ATP9B: variants seen among roughly 807,000 people sequenced by gnomAD.
ATP9B encodes the protein probable phospholipid-transporting ATPase IIB.
A neutral mutation model predicts 146.1 loss-of-function variants in ATP9B; 110 were observed. That is an observed-to-expected ratio of 0.75 (90% confidence interval 0.65 to 0.88). ATP9B has a LOEUF of 0.88. ATP9B is among the 40% of genes least tolerant of loss of function. The pLI, the probability that ATP9B is intolerant of heterozygous loss-of-function variation, is 0.00. For missense variants in ATP9B, 1,499 were observed against 1,496.4 expected, an observed-to-expected ratio of 1.00 and a Z score of -0.03; for synonymous variants, 604 against 569.7, an observed-to-expected ratio of 1.06 and a Z score of -0.86.
chr18:79,086,652 A>T (rs991481151), intron 1 of ATP9B, among the ~76,000 whole-genome samples: 2 of 152,152 alleles, frequency 1.3e-5, no homozygotes, highest in Non-Finnish European at 2.9e-5. Flanking sequence ...CATTTATATA[A>T]CATTGGATAT....
At chr18:79,196,083 A>C (rs573788038) in intron 9 of ATP9B, among the ~76,000 whole-genome samples, 2 of 152,292 alleles carry the variant, frequency 1.3e-5, no homozygotes, top group African/African-American at 4.8e-5. Context: ...AGCTCCCCAC[A>C]GTTGGAAGGG....
In ATP9B at chr18:79,245,848, C is replaced by T. The variant is rs113000288; in HGVS notation, c.1108-7533C>T. Among the ~76,000 whole-genome samples, 31 of 69,738 alleles carry T rather than the reference C, an allele frequency of 4.4e-4. No homozygotes were observed. In the East Asian group the frequency reaches 9.4e-3, roughly 21 times the overall value. 45.8% of individuals were successfully genotyped at this position (69,738 alleles called of 152,430 possible). On this transcript the variant is annotated intron_variant, in intron 11 of 29. Transcript: ENST00000426216. ...GAGGAGGGCACCACCCTACTGACTG[C>T]GGAGGGCACCGCCCTACTGTCTGTG... is the stretch of plus-strand genomic sequence containing the variant.
In ATP9B at chr18:79,277,718, A is replaced by G. The variant is rs201451990; in HGVS notation, c.1411+522A>G. Among the ~76,000 whole-genome samples, 5 of 152,296 alleles carry G rather than the reference A, an allele frequency of 3.3e-5. No homozygotes were observed. The East Asian group carries it at 9.6e-4, about 29-fold the overall frequency. On this transcript the variant is annotated intron_variant, in intron 13 of 29. Transcript: ENST00000426216. ...TTAATTTTCTTCTTTTTTTCATCAA[A>G]GAACTCTTACCAATCCGTAACAGAT... is the stretch of plus-strand genomic sequence containing the variant.
chr18:79,123,090 T>C (rs1266544351), intron 4 of ATP9B, among the ~76,000 whole-genome samples: 1 of 151,956 alleles, frequency 6.6e-6, no homozygotes, highest in Non-Finnish European at 1.5e-5. Flanking sequence ...GTTAAGAAAA[T>C]GAAGTAAAAG....
At chr18:79,356,220 G>A (rs2096951914) in intron 25 of ATP9B, among the ~76,000 whole-genome samples, 1 of 152,132 alleles carries the variant, frequency 6.6e-6, no homozygotes, top group Non-Finnish European at 1.5e-5. Context: ...GAATTGTGAG[G>A]AAGAGTCACA....
intron 13 of ATP9B, among the ~76,000 whole-genome samples, chr18:79,284,208 T>G (rs562804817): frequency 3.4e-4 from 52 of 152,318 alleles, no homozygotes; most frequent in African/African-American, 1.1e-3. Context: ...CAGGTAAGAC[T>G]TGGAAATGTT....
intron 19 of ATP9B, among the ~76,000 whole-genome samples, chr18:79,338,016 G>A (rs529503072): frequency 2.8e-4 from 42 of 152,320 alleles, no homozygotes; most frequent in African/African-American, 1.0e-3. Context: ...GAGGACGGGA[G>A]TGCATGAGAA....
In ATP9B at chr18:79,264,042, G is replaced by A. The variant is rs188332621; in HGVS notation, c.1268+10501G>A. Among the ~76,000 whole-genome samples the A allele has an allele frequency of 2.5e-3, 373 of 152,130 alleles. 1 individual carries two copies. The highest frequency in any genetic ancestry group is 6.4e-3 in the South Asian group (31 of 4,814). ...GGAGGTTGCAGTGAGCCGAGATCGC[G>A]CCACTGCACTCCAGCCCAGGCGACA... On this transcript the variant is annotated intron_variant, in intron 12 of 29. Coordinates refer to ENST00000426216, the MANE Select transcript of ATP9B (RefSeq NM_198531.5).
chr18:79,351,286 G>A (rs1207471306), intron 25 of ATP9B, among the ~76,000 whole-genome samples: 2 of 152,222 alleles, frequency 1.3e-5, no homozygotes, highest in East Asian at 3.9e-4. Flanking sequence ...TGAGGCCTGT[G>A]CCTGCCTCAC....
Position 79,158,938 on chromosome 18 carries a change from A to T in ATP9B, c.778+4383A>T, listed in dbSNP as rs57304401. Among the ~76,000 whole-genome samples, 23 of 152,076 alleles carry T rather than the reference A, an allele frequency of 1.5e-4. No individual in the cohort carries two copies. In the South Asian group the frequency reaches 4.8e-3, roughly 32 times the overall value. ...TGAATGTGGAGTACTGAAGTTTGTC[A>T]CTATTTCTCTGTTTTTCCTTCTATT... On this transcript the variant is annotated intron_variant, in intron 7 of 29. Coordinates refer to ENST00000426216, the MANE Select transcript of ATP9B (RefSeq NM_198531.5).
At chr18:79,108,338 A>G (rs575048307) in intron 2 of ATP9B, among the ~76,000 whole-genome samples, 23 of 152,352 alleles carry the variant, frequency 1.5e-4, no homozygotes, top group African/African-American at 5.5e-4. Flanking sequence ...AACAGATAAA[A>G]TATTATCAGC....
intron 1 of ATP9B, among the ~76,000 whole-genome samples, chr18:79,079,890 T>G (rs555957898): frequency 6.6e-6 from 1 of 152,346 alleles, no homozygotes; most frequent in East Asian, 1.9e-4. Context: ...CCAACACCAT[T>G]TATTAAATAG....
intron 15 of ATP9B, among the ~76,000 whole-genome samples, chr18:79,323,618 A>G (rs1235425184): frequency 2.6e-5 from 4 of 152,016 alleles, no homozygotes; most frequent in African/African-American, 7.3e-5. Context: ...TTCCATTCAC[A>G]TTGTTGTAGA....
intron 18 of ATP9B, among the ~76,000 whole-genome samples, chr18:79,337,045 C>T (rs2096831132): frequency 6.6e-6 from 1 of 152,130 alleles, no homozygotes; most frequent in Admixed American, 6.5e-5. Flanking sequence ...AGAGCCCATG[C>T]TGTCCAGCTC....
At chr18:79,277,283 G>A in intron 13 of ATP9B, 87 bp downstream of exon 13, 4 of 1,500,794 alleles carry the variant, frequency 2.7e-6, no homozygotes, top group Non-Finnish European at 3.7e-6. Flanking sequence ...ATGTTTATGT[G>A]TATGTATATA....
chr18:79,271,705 G>A (rs1157366871), intron 12 of ATP9B, among the ~76,000 whole-genome samples: 1 of 152,184 alleles, frequency 6.6e-6, no homozygotes, highest in Admixed American at 6.5e-5. Context: ...ACATACGTGT[G>A]CATTTGTCTT....
chr18:79,072,648 C>G (rs989468635), intron 1 of ATP9B, among the ~76,000 whole-genome samples: 1 of 152,190 alleles, frequency 6.6e-6, no homozygotes, highest in African/African-American at 2.4e-5. Flanking sequence ...ATGGCCCGTT[C>G]TCAGTGAGCT....
chr18:79,377,138 C>T (rs970741526), intron 29 of ATP9B, 109 bp from the exon 30 acceptor site: 13 of 1,319,802 alleles, frequency 9.8e-6, no homozygotes, highest in Admixed American at 5.7e-5. Flanking sequence ...GTGATGTTTC[C>T]GTGGCAAGCT....
chr18:79,071,049 C>CTTTTTTCTTTTTTTTTTTTTTT (rs1555723402), intron 1 of ATP9B, among the ~76,000 whole-genome samples: 3 of 112,386 alleles, frequency 2.7e-5, no homozygotes, highest in Non-Finnish European at 5.4e-5. Flanking sequence ...ATTCCTGTTT[C>CTTTTTTCTTTTTTTTTTTTTTT]TTTTTTTTTT....
Sources: gnomAD v4.1 joint callset for allele counts (sites outside exome capture counted in the v4.1 genomes callset) on GRCh38, gnomAD v4.1.1 for gene constraint, MANE v1.5 for transcripts, NCBI Gene and HGNC (gene_info 2026-07-23, HGNC 2026-07-21) for gene names.